The following TENT4A variants were observed in gnomAD, a reference collection of about 807,000 sequenced individuals.
The protein encoded by TENT4A is DNA polymerase kappa.
A neutral mutation model predicts 72.8 loss-of-function variants in TENT4A; 7 were observed. That is an observed-to-expected ratio of 0.10 (90% CI 0.05 to 0.18). TENT4A has a LOEUF of 0.18. Ranked by LOEUF, TENT4A falls within the 10% of genes least tolerant of loss-of-function variation. The pLI, the probability that TENT4A is intolerant of heterozygous loss-of-function variation, is 1.00. For synonymous variants in TENT4A, 456 were observed against 434.3 expected (o/e 1.05, Z -0.62); for missense variants, 831 against 1,017.7 (o/e 0.82, Z 2.50).
rs561543371 is a variant in TENT4A at position 6,742,686 on chromosome 5, T to C, written c.1116+89T>C. ...TCCTACGATGTTTACAGCTGTCAGC[T>C]GCACACACAAGTCTTTCGTAACACA... On this transcript the variant is annotated intron_variant, in intron 5 of 12. Transcript: ENST00000230859. 127 of 759,276 alleles carry C rather than the reference T, an allele frequency of 1.7e-4. No homozygotes were observed. The African/African-American group carries it at 1.7e-3, about 10-fold the overall frequency. 47.0% of individuals were successfully genotyped at this position (759,276 alleles called of 1,614,324 possible).
intron 1 of TENT4A, among the ~76,000 whole-genome samples, chr5:6,716,949 G>A (rs1263597237): frequency 1.3e-5 from 2 of 152,198 alleles, no homozygotes; most frequent in African/African-American, 4.8e-5. Context: ...TGCCCAAAGG[G>A]GCCTGTGAGG....
rs878957608 is a variant in TENT4A at position 6,737,467 on chromosome 5, C to T, written c.717-43C>T. 2.7e-5 allele frequency: 41 copies of T among 1,541,146 alleles called. 1 individual carries two copies. The South Asian group carries it at 4.8e-4, about 18-fold the overall frequency. Reference sequence around the variant, plus strand: ...AAGAACAGAACAGAAAATGTGGTGACATTTCATTGTAACTCTAGTATGTTT... The same window carrying T: ...AAGAACAGAACAGAAAATGTGGTGATATTTCATTGTAACTCTAGTATGTTT... On this transcript the variant is annotated intron_variant, in intron 1 of 12. Coordinates refer to ENST00000230859, the MANE Select transcript of TENT4A (RefSeq NM_006999.6).
At chr5:6,735,232 C>A (rs1388178390) in intron 1 of TENT4A, among the ~76,000 whole-genome samples, 1 of 152,270 alleles carries the variant, frequency 6.6e-6, no homozygotes, top group South Asian at 2.1e-4. Context: ...TTAATAATTC[C>A]AAGCCTGCAT....
intron 1 of TENT4A, among the ~76,000 whole-genome samples, chr5:6,724,816 T>A (rs999193764): frequency 3.3e-5 from 5 of 152,206 alleles, no homozygotes; most frequent in Non-Finnish European, 7.3e-5. Flanking sequence ...ACAGTAGTAA[T>A]CACCACTGGC....
intron 1 of TENT4A, 74 bp downstream of exon 1, chr5:6,714,773 C>A: frequency 1.2e-6 from 1 of 824,792 alleles, no homozygotes; most frequent in Non-Finnish European, 1.6e-6. Flanking sequence ...TGCAGACACC[C>A]GTCCCAGGCG....
chr5:6,720,755 A>G (rs2126598616), intron 1 of TENT4A, among the ~76,000 whole-genome samples: 1 of 152,276 alleles, frequency 6.6e-6, no homozygotes, highest in Admixed American at 6.5e-5. Flanking sequence ...ATATATGAAA[A>G]TACAGTGATT....
rs1165382151 is a variant in TENT4A, at chr5:6,713,866, G to A, written c.-118G>A. ...GCCCGCCGCCGCCGCCGCCGCCGCC[G>A]CCACCGGCCCAGGCCCGTCCGTCCG... On this transcript the variant is annotated 5_prime_UTR_variant, in exon 1 of 13. Transcript: ENST00000230859. 19 of 195,792 alleles carry A rather than the reference G, an allele frequency of 9.7e-5. No homozygotes were observed. Among genetic ancestry groups the A allele is most frequent in the African/African-American group, 1.0e-4 (4 of 39,908 alleles). 12.1% of individuals were successfully genotyped at this position (195,792 alleles called of 1,614,324 possible).
chr5:6,732,376 C>G (rs1741257507), intron 1 of TENT4A, among the ~76,000 whole-genome samples: 1 of 152,228 alleles, frequency 6.6e-6, no homozygotes, highest in African/African-American at 2.4e-5. Context: ...GCTTTATTAG[C>G]TATGGAATAA....
intron 6 of TENT4A, among the ~76,000 whole-genome samples, 153 bp downstream of exon 6, chr5:6,743,993 C>T (rs909733660): frequency 1.3e-5 from 2 of 152,188 alleles, no homozygotes; most frequent in African/African-American, 4.8e-5. Flanking sequence ...TACAATCAAA[C>T]CCTCTTGATT....
At position 6,713,440 on chromosome 5, in the gene TENT4A, GCGCTGTCGCCGCCGAGAGTGTCTTTTCAC is replaced by G. The variant is rs969416378; in HGVS notation, c.-540_-512del. 3 of 109,742 alleles carry G rather than the reference GCGCTGTCGCCGCCGAGAGTGTCTTTTCAC, an allele frequency of 2.7e-5. No individual in the cohort carries two copies. The highest frequency in any genetic ancestry group is 7.1e-5 in the African/African-American group (2 of 28,184). 6.8% of individuals were successfully genotyped at this position (109,742 alleles called of 1,614,324 possible). Reference sequence around the variant, plus strand: ...GCGGCGGCGGCCCCCTCCTTCCCCCGCGCTGTCGCCGCCGAGAGTGTCTTTTCACCGCCGCCGCCGCCGCCGCCGCAGGA... The same window carrying G: ...GCGGCGGCGGCCCCCTCCTTCCCCCGCGCCGCCGCCGCCGCCGCCGCAGGA... On this transcript the variant is annotated 5_prime_UTR_variant, in exon 1 of 13. Transcript: ENST00000230859.
intron 1 of TENT4A, among the ~76,000 whole-genome samples, chr5:6,730,292 T>C (rs934980550): frequency 2.0e-5 from 3 of 152,054 alleles, no homozygotes; most frequent in Admixed American, 6.5e-5. Flanking sequence ...CCAGGAGAGA[T>C]GTGGGAGGGA....
chr5:6,754,309 C>T (rs1742574715), intron 12 of TENT4A, among the ~76,000 whole-genome samples: 1 of 152,168 alleles, frequency 6.6e-6, no homozygotes, highest in Non-Finnish European at 1.5e-5. Context: ...GCTGGAATTA[C>T]AGGTGTGTGC....
intron 1 of TENT4A, among the ~76,000 whole-genome samples, chr5:6,723,209 C>T (rs1740746413): frequency 6.7e-6 from 1 of 149,646 alleles, no homozygotes; most frequent in Non-Finnish European, 1.5e-5. Flanking sequence ...TTTAATAGCA[C>T]ATGAAGCATA....
At chr5:6,732,761 T>C (rs1000477727) in intron 1 of TENT4A, among the ~76,000 whole-genome samples, 1 of 152,200 alleles carries the variant, frequency 6.6e-6, no homozygotes, top group African/African-American at 2.4e-5. Context: ...TGTCACCATT[T>C]CCTTTTTTCT....
chr5:6,740,631 G>A (rs556799712), intron 4 of TENT4A, among the ~76,000 whole-genome samples: 5 of 152,124 alleles, frequency 3.3e-5, no homozygotes, highest in Non-Finnish European at 7.3e-5. Context: ...GAGGCTGGGG[G>A]CAAGTTTTAA....
intron 1 of TENT4A, among the ~76,000 whole-genome samples, chr5:6,732,972 G>A (rs1400079354): frequency 6.6e-6 from 1 of 152,230 alleles, no homozygotes; most frequent in Non-Finnish European, 1.5e-5. Context: ...CAGAATCTAA[G>A]ACGAGGCTAG....
chr5:6,722,124 T>A (rs1440194962), intron 1 of TENT4A, among the ~76,000 whole-genome samples: 1 of 152,170 alleles, frequency 6.6e-6, no homozygotes, highest in Non-Finnish European at 1.5e-5. Context: ...TGTCACACAC[T>A]CACAGGTCTG....
In TENT4A at chr5:6,742,485, T is replaced by C; in HGVS notation, c.1009-5T>C. On this transcript the variant is annotated splice_polypyrimidine_tract_variant and splice_region_variant and intron_variant, in intron 4 of 12. Transcript: ENST00000230859. Reference sequence around the variant, plus strand: ...AAAGCAGTTTTTAAAATGAAATCTTTACAGGTACCAATAATAAAGCTCACA... The same window carrying C: ...AAAGCAGTTTTTAAAATGAAATCTTCACAGGTACCAATAATAAAGCTCACA... The C allele has an allele frequency of 6.3e-7, 1 of 1,587,402 alleles. No homozygotes were observed. The highest frequency in any genetic ancestry group is 8.7e-7 in the Non-Finnish European group (1 of 1,155,668).
At chr5:6,722,552 T>G (rs2126602109) in intron 1 of TENT4A, among the ~76,000 whole-genome samples, 1 of 150,146 alleles carries the variant, frequency 6.7e-6, no homozygotes, top group South Asian at 2.1e-4. Flanking sequence ...TGTTAGTTTT[T>G]TTTTTTTTTT....
Sources: allele counts gnomAD v4.1 joint callset (sites outside exome capture counted in the v4.1 genomes callset), GRCh38; gene constraint gnomAD v4.1.1; transcripts MANE v1.5; gene names NCBI Gene and HGNC (gene_info 2026-07-23, HGNC 2026-07-21).